EP300: variants seen among roughly 807,000 people sequenced by gnomAD.
EP300 encodes the protein histone acetyltransferase p300.
EP300 carries 31 observed loss-of-function variants against 264.0 expected under a neutral mutation model. The observed-to-expected ratio is 0.12, with a 90% CI of 0.09 to 0.16. The LOEUF is 0.16. EP300 is among the 10% of genes least tolerant of loss of function. The pLI, the probability that EP300 is intolerant of heterozygous loss-of-function variation, is 1.00. For synonymous variants in EP300, 1,340 were observed against 1,045.4 expected (o/e 1.28, Z -5.44); for missense variants, 2,766 against 3,052.9 (o/e 0.91, Z 2.21).
Position 41,177,885 on chromosome 22 carries a change from C to T in EP300, c.6174C>T (p.Leu2058=), listed in dbSNP as rs1439465064. The part of the protein sequence containing the change: ...QQALQNLLRT[L]RSPSSPLQQQ... ...CCTTACAAAACCTTTTGCGGACTCTCAGGTCTCCCAGCTCTCCCCTGCAGC... is the reference window on the plus strand; with the variant it reads ...CCTTACAAAACCTTTTGCGGACTCTTAGGTCTCCCAGCTCTCCCCTGCAGC... Residue 2058 remains leucine, a synonymous_variant, in exon 31 of 31, where the codon CTC becomes CTT. Coordinates refer to ENST00000263253, the MANE Select transcript of EP300 (RefSeq NM_001429.4). 1.2e-6 allele frequency: 2 copies of T among 1,614,188 alleles called. No individual in the cohort carries two copies. Among genetic ancestry groups the T allele is most frequent in the Non-Finnish European group, 8.5e-7 (1 of 1,180,030 alleles).
intron 16 of EP300, 142 bp downstream of exon 16, chr22:41,152,492 A>C (rs995245273): frequency 2.3e-6 from 2 of 860,134 alleles, no homozygotes; most frequent in Non-Finnish European, 3.6e-6. Flanking sequence ...TGGTCTCTTC[A>C]TTGTTACTAA....
Position 41,092,895 on chromosome 22 carries a change from C to T in EP300, c.-110C>T, listed in dbSNP as rs950010241. On this transcript the variant is annotated 5_prime_UTR_variant, in exon 1 of 31. Coordinates refer to ENST00000263253, the MANE Select transcript of EP300 (RefSeq NM_001429.4). Reference sequence around the variant, plus strand: ...GAACTTCCCCCACCCCCTCGGGTGCCGTCGGAGCCCCCCAGCCCACCCCTG... The same window carrying T: ...GAACTTCCCCCACCCCCTCGGGTGCTGTCGGAGCCCCCCAGCCCACCCCTG... 32 of 1,196,376 alleles carry T rather than the reference C, an allele frequency of 2.7e-5. No individual in the cohort carries two copies. The highest frequency in any genetic ancestry group is 2.5e-4 in the African/African-American group (17 of 66,840). The allele number at this position is 1,196,376 out of a possible 1,614,324, so 74.1% of individuals were successfully genotyped here.
chr22:41,123,814 T>A (rs988232559), intron 2 of EP300, among the ~76,000 whole-genome samples: 1 of 152,254 alleles, frequency 6.6e-6, no homozygotes, highest in Non-Finnish European at 1.5e-5. Context: ...ATTTGAAAGA[T>A]TAATGAAAAT....
At chr22:41,094,900 C>T (rs1294030166) in intron 1 of EP300, among the ~76,000 whole-genome samples, 1 of 152,104 alleles carries the variant, frequency 6.6e-6, no homozygotes, top group Admixed American at 6.5e-5. Flanking sequence ...TGTGCTACTA[C>T]TTTCTCCATG....
chr22:41,157,431 GACTTTA>G (rs1569110991), intron 18 of EP300, 23 bp downstream of exon 18: 1 of 1,575,656 alleles, frequency 6.3e-7, no homozygotes, highest in South Asian at 1.1e-5. Context: ...TTTCAGATTT[GACTTTA>G]ACTTTTCTGG....
Position 41,168,577 on chromosome 22 carries a change from G to A in EP300, c.4003G>A (p.Val1335Ile), listed in dbSNP as rs2145762909. 2 of 1,614,204 alleles carry A rather than the reference G, an allele frequency of 1.2e-6. No homozygotes were observed. The highest frequency in any genetic ancestry group is 1.7e-6 in the Non-Finnish European group (2 of 1,180,032). Residue 1335 changes from valine (V) to isoleucine (I), a missense_variant, in exon 24 of 31, where the codon GTA becomes ATA. Coordinates refer to ENST00000263253, the MANE Select transcript of EP300 (RefSeq NM_001429.4). ...TCATGCTTCTGACAAAACCGTGGAA[G>A]TAAAACCAGGCATGAAAGCAAGGTA... ...VVHASDKTVE[V>I]KPGMKARFVD...
chr22:41,103,620 C>T (rs1161477347), intron 1 of EP300, among the ~76,000 whole-genome samples: 1 of 151,996 alleles, frequency 6.6e-6, no homozygotes, highest in African/African-American at 2.4e-5. Context: ...AAGGGTTTTT[C>T]AGATGAAGCT....
chr22:41,164,410 C>T (rs552491295), intron 22 of EP300, among the ~76,000 whole-genome samples: 1 of 152,114 alleles, frequency 6.6e-6, no homozygotes, highest in Non-Finnish European at 1.5e-5. Context: ...AGTTATTACA[C>T]ATCAAAAGTA....
rs71328775 is a variant in EP300, at chr22:41,126,729, C to CTTTTTTTTTTTTTTTTTTTT, written c.906+702_906+721dup. Among the ~76,000 whole-genome samples, 3 of 48,792 alleles carry CTTTTTTTTTTTTTTTTTTTT rather than the reference C, an allele frequency of 6.1e-5. 1 individual carries two copies. The highest frequency in any genetic ancestry group is 1.0e-4 in the Non-Finnish European group (3 of 29,212). 32.0% of individuals were successfully genotyped at this position (48,792 alleles called of 152,430 possible). The stretch of plus-strand genomic sequence containing the variant: ...TCATCTCTGTCCCGAGAAATGTTCA[C>CTTTTTTTTTTTTTTTTTTTT]TTTTTTTTTTTTTTTTTTTTTTTTT... On this transcript the variant is annotated intron_variant, in intron 3 of 30. Coordinates refer to ENST00000263253, the MANE Select transcript of EP300 (RefSeq NM_001429.4).
chr22:41,162,690 CT>C, intron 20 of EP300, 32 bp from the exon 21 acceptor site: 3 of 1,567,800 alleles, frequency 1.9e-6, no homozygotes, highest in Non-Finnish European at 2.6e-6. Context: ...ATCTCTATCA[CT>C]TTTTCTCATT....
chr22:41,124,349 G>A (rs1411866400), intron 2 of EP300, among the ~76,000 whole-genome samples: 6 of 152,186 alleles, frequency 3.9e-5, no homozygotes, highest in Non-Finnish European at 1.5e-5. Context: ...AAACAGCAAG[G>A]AATAGTGTGG....
Position 41,127,318 on chromosome 22 carries a change from GCTT to G in EP300, c.907-165_907-163del, listed in dbSNP as rs540763911. On this transcript the variant is annotated intron_variant, in intron 3 of 30. Transcript: ENST00000263253. ...GTCATTTTTTTTCTTATTAAATTGA[GCTT>G]CTTAAAGGTAGGAGCCATGGTTTAT... is the stretch of plus-strand genomic sequence containing the variant. 1.9e-4 allele frequency among the ~76,000 whole-genome samples: 29 copies of G among 151,948 alleles called. No homozygotes were observed. The East Asian group carries it at 5.6e-3, about 29-fold the overall frequency.
chr22:41,123,576 A>G (rs953445196), intron 2 of EP300, among the ~76,000 whole-genome samples: 4 of 152,218 alleles, frequency 2.6e-5, no homozygotes, highest in African/African-American at 9.6e-5. Context: ...TTTTAGAGGT[A>G]GAATTGAAGG....
rs2145512555 is a variant in EP300, at chr22:41,176,322, A to C, written c.4855A>C (p.Ile1619Leu). Residue 1619 changes from isoleucine to leucine, a missense_variant, in exon 30 of 31, where the codon ATC becomes CTC. Physicochemically the swap from Ile to Leu is conservative, Grantham distance 5 (BLOSUM62 2). Transcript: ENST00000263253. The part of the protein sequence containing the change: ...LPPIVDPDPL[I>L]PCDLMDGRDA... ...TCCCATTGTTGATCCTGATCCTCTCATCCCCTGCGATCTGATGGATGGTCG... is the reference window on the plus strand; with the variant it reads ...TCCCATTGTTGATCCTGATCCTCTCCTCCCCTGCGATCTGATGGATGGTCG... 6.2e-7 allele frequency: 1 copy of C among 1,614,138 alleles called. No individual in the cohort carries two copies.
In EP300 at chr22:41,177,782, C is replaced by T; in HGVS notation, c.6071C>T (p.Pro2024Leu). 1.2e-6 allele frequency: 2 copies of T among 1,614,036 alleles called. No homozygotes were observed. Among genetic ancestry groups the T allele is most frequent in the African/African-American group, 1.3e-5 (1 of 75,038 alleles). Residue 2024 changes from proline (P) to leucine (L), a missense_variant, in exon 31 of 31, where the codon CCT becomes CTT. Physicochemically the swap from Pro to Leu is moderately conservative, Grantham distance 98 (BLOSUM62 -3). Transcript: ENST00000263253. ...AMMSVAQHGQ[P>L]LNMAPQPGLG... ...ATGTCAGTGGCCCAGCATGGTCAAC[C>T]TTTGAACATGGCTCCACAACCAGGA...
Position 41,131,649 on chromosome 22 carries a change from C to T in EP300, c.1528+16C>T, listed in dbSNP as rs745955285. 6.2e-7 allele frequency: 1 copy of T among 1,613,966 alleles called. No homozygotes were observed. ...AGCAACATGAGTAAGTTTGTGTCATCCTAATAACATGGTATTGGTTGTGTC... is the reference window on the plus strand; with the variant it reads ...AGCAACATGAGTAAGTTTGTGTCATTCTAATAACATGGTATTGGTTGTGTC... On this transcript the variant is annotated intron_variant, in intron 6 of 30. Coordinates refer to ENST00000263253, the MANE Select transcript of EP300 (RefSeq NM_001429.4).
chr22:41,133,305 C>T (rs889361316), intron 6 of EP300, among the ~76,000 whole-genome samples: 6 of 152,000 alleles, frequency 3.9e-5, no homozygotes, highest in African/African-American at 1.4e-4. Context: ...TTAGAGGCAC[C>T]TGCCACCACA....
intron 1 of EP300, among the ~76,000 whole-genome samples, chr22:41,100,227 A>T (rs913942679): frequency 9.2e-5 from 14 of 151,878 alleles, no homozygotes; most frequent in Admixed American, 7.9e-4. Flanking sequence ...ACATAGCAAG[A>T]CTCTGTTTCT....
intron 6 of EP300, among the ~76,000 whole-genome samples, chr22:41,133,070 C>G (rs1334603782): frequency 2.0e-5 from 3 of 152,126 alleles, no homozygotes; most frequent in Non-Finnish European, 1.5e-5. Context: ...TCTTGAACTC[C>G]TGGTCTTAAG....
Sources: allele counts gnomAD v4.1 joint callset (sites outside exome capture counted in the v4.1 genomes callset), GRCh38; gene constraint gnomAD v4.1.1; transcripts MANE v1.5; gene names NCBI Gene and HGNC (gene_info 2026-07-23, HGNC 2026-07-21).